The following HUNK variants were observed in gnomAD, a reference collection of about 807,000 sequenced individuals.
HUNK encodes hormonally up-regulated neu tumor-associated kinase.
HUNK carries 21 observed loss-of-function variants against 61.0 expected under a neutral mutation model. The ratio of observed to expected loss-of-function variants is 0.34; its 90% confidence interval spans 0.24 to 0.50. The LOEUF is 0.50. Ranked by LOEUF, HUNK falls within the 20% of genes least tolerant of loss-of-function variation. The pLI is 0.98. For synonymous variants in HUNK, 371 were observed against 386.1 expected, an observed-to-expected ratio of 0.96 and a Z score of 0.46; for missense variants, 772 against 945.7, an observed-to-expected ratio of 0.82 and a Z score of 2.41.
intron 2 of HUNK, among the ~76,000 whole-genome samples, chr21:31,938,732 C>T (rs527963144): frequency 1.3e-5 from 2 of 152,144 alleles, no homozygotes; most frequent in African/African-American, 4.8e-5. Context: ...TGGAAGAGAA[C>T]GTGTGTTTGT....
intron 1 of HUNK, among the ~76,000 whole-genome samples, chr21:31,896,861 T>G (rs1345555721): frequency 1.3e-5 from 2 of 152,254 alleles, no homozygotes; most frequent in African/African-American, 4.8e-5. Context: ...AGGAACACTC[T>G]TAAAGTGATC....
chr21:31,973,284 G>A (rs572175792), intron 6 of HUNK, among the ~76,000 whole-genome samples: 8 of 152,136 alleles, frequency 5.3e-5, no homozygotes, highest in African/African-American at 1.9e-4. Flanking sequence ...ATTTGCATTA[G>A]GTATATCTCC....
In HUNK at chr21:31,998,739, G is replaced by C. The variant is rs201888238; in HGVS notation, c.1700G>C (p.Arg567Pro). The C allele has an allele frequency of 1.2e-6, 2 of 1,614,128 alleles. No individual in the cohort carries two copies. The highest frequency in any genetic ancestry group is 2.2e-5 in the South Asian group (2 of 91,072). ...DMVRSFESVD[R>P]DDHVEVLSPS... is the part of the protein sequence containing the mutation. ...GTGCGCTCCTTCGAGTCTGTGGATC[G>C]CGACGACCACGTAGAAGTGCTGTCT... Residue 567 changes from arginine to proline, a missense_variant, in exon 11 of 11, where the codon CGC becomes CCC. By Grantham distance (103) the Arg-to-Pro change is moderately radical (BLOSUM62 -2). Transcript: ENST00000270112.
intron 1 of HUNK, among the ~76,000 whole-genome samples, chr21:31,888,397 A>G (rs138720092): frequency 2.0e-5 from 3 of 152,274 alleles, no homozygotes; most frequent in Non-Finnish European, 4.4e-5. Context: ...GTACAGATCT[A>G]CCATCTTTAT....
intron 2 of HUNK, among the ~76,000 whole-genome samples, chr21:31,931,118 CCTTGGGGAGTTATGTG>C (rs1337924127): frequency 1.4e-5 from 2 of 147,174 alleles, no homozygotes; most frequent in Non-Finnish European, 3.0e-5. Flanking sequence ...ATGCCTGTTG[CCTTGGGGAGTTATGTG>C]CTTGGGGAGT....
At chr21:31,960,964 CTT>C (rs928081671) in intron 5 of HUNK, among the ~76,000 whole-genome samples, 2 of 152,246 alleles carry the variant, frequency 1.3e-5, no homozygotes, top group East Asian at 1.9e-4. Flanking sequence ...TATGTACAAT[CTT>C]GTGTGTTGCT....
At chr21:31,945,665 T>G (rs2052797264) in intron 3 of HUNK, among the ~76,000 whole-genome samples, 1 of 152,090 alleles carries the variant, frequency 6.6e-6, no homozygotes, top group Non-Finnish European at 1.5e-5. Flanking sequence ...CTAACTCAAA[T>G]CCCCTCTGCT....
At chr21:31,905,082 A>G (rs988592895) in intron 1 of HUNK, among the ~76,000 whole-genome samples, 2 of 152,088 alleles carry the variant, frequency 1.3e-5, no homozygotes, top group Admixed American at 6.6e-5. Flanking sequence ...TGTCTAAAAA[A>G]AAAAAAAAGA....
intron 4 of HUNK, among the ~76,000 whole-genome samples, chr21:31,947,765 T>A (rs1236078183): frequency 6.6e-6 from 1 of 152,188 alleles, no homozygotes; most frequent in Non-Finnish European, 1.5e-5. Flanking sequence ...CAGGGTCAGT[T>A]CAGAGTCTTG....
intron 1 of HUNK, among the ~76,000 whole-genome samples, chr21:31,884,346 C>T (rs1330943797): frequency 6.6e-6 from 1 of 152,130 alleles, no homozygotes; most frequent in Non-Finnish European, 1.5e-5. Context: ...TAATCCCAGA[C>T]TTTGGGAGGG....
At chr21:31,959,004 G>T (rs2052909552) in intron 5 of HUNK, 34 bp downstream of exon 5, 1 of 1,549,368 alleles carries the variant, frequency 6.5e-7, no homozygotes, top group African/African-American at 1.4e-5. Context: ...CACGGTTCAG[G>T]ACTGCTGTCG....
Position 31,924,411 on chromosome 21 carries a change from A to G in HUNK, c.262-57A>G. On this transcript the variant is annotated intron_variant, in intron 1 of 10. Transcript: ENST00000270112. The surrounding 1 kb of genome is among the most constrained non-coding windows in gnomAD (Gnocchi z 5.1). ...TTTCTTGGGTTCCTGTGAGTAGCCA[A>G]GGCATCGCTATTGTCTGTAATGTCT... The G allele has an allele frequency of 1.3e-6, 2 of 1,519,478 alleles. No individual in the cohort carries two copies. Among genetic ancestry groups the G allele is most frequent in the South Asian group, 1.3e-5 (1 of 78,448 alleles). 94.1% of individuals were successfully genotyped at this position (1,519,478 alleles called of 1,614,324 possible). A position where few individuals can be genotyped will look rare whatever the true frequency, so the allele number is the denominator to read the frequency against.
Position 31,968,618 on chromosome 21 carries a change from G to A in HUNK, c.1010+233G>A, listed in dbSNP as rs115292001. Among the ~76,000 whole-genome samples, 1,280 of 152,328 alleles carry A rather than the reference G, an allele frequency of 8.4e-3. 21 individuals carry two copies. Among genetic ancestry groups the A allele is most frequent in the African/African-American group, 0.029 (1,225 of 41,566 alleles). On this transcript the variant is annotated intron_variant, in intron 6 of 10. Coordinates refer to ENST00000270112, the MANE Select transcript of HUNK (RefSeq NM_014586.2). ...GCAGGGGCACCTGGAGGAGAGGTGA[G>A]TGGAGGCTGATATCCAGGCTTTGAG...
chr21:31,994,196 G>A (rs2053188463), intron 9 of HUNK, among the ~76,000 whole-genome samples: 1 of 152,190 alleles, frequency 6.6e-6, no homozygotes, highest in Non-Finnish European at 1.5e-5. Flanking sequence ...GTTTGAGGAA[G>A]CTTTGCCTCT....
At chr21:31,912,200 T>A (rs2052550757) in intron 1 of HUNK, among the ~76,000 whole-genome samples, 1 of 152,190 alleles carries the variant, frequency 6.6e-6, no homozygotes, top group African/African-American at 2.4e-5. Context: ...GGCATGCTGA[T>A]GGAGCTCCTT....
intron 1 of HUNK, among the ~76,000 whole-genome samples, chr21:31,888,035 C>A (rs1414792306): frequency 3.9e-5 from 6 of 152,128 alleles, no homozygotes; most frequent in Non-Finnish European, 7.3e-5. Context: ...AGACAACTTA[C>A]TCTTCATAGT....
intron 1 of HUNK, among the ~76,000 whole-genome samples, chr21:31,881,774 C>G (rs150684098): frequency 1.9e-3 from 285 of 152,288 alleles, no homozygotes; most frequent in African/African-American, 6.3e-3. Flanking sequence ...GCCTGCCCTA[C>G]CTTGCTGCTC....
chr21:31,961,805 A>G (rs2052930893), intron 5 of HUNK, among the ~76,000 whole-genome samples: 1 of 152,136 alleles, frequency 6.6e-6, no homozygotes, highest in Admixed American at 6.5e-5. Flanking sequence ...ACAGTGGGGA[A>G]AGGCAGACAG....
chr21:31,881,572 G>A (rs982650667), intron 1 of HUNK, among the ~76,000 whole-genome samples: 5 of 152,082 alleles, frequency 3.3e-5, no homozygotes, highest in Admixed American at 2.6e-4. Context: ...GCAGTGAGCC[G>A]AGATTGTGCC....
Sources: allele counts gnomAD v4.1 joint callset (sites outside exome capture counted in the v4.1 genomes callset), GRCh38; gene constraint gnomAD v4.1.1; non-coding constraint Gnocchi (gnomAD v3.1); transcripts MANE v1.5; gene names NCBI Gene and HGNC (gene_info 2026-07-23, HGNC 2026-07-21).